Variants in CCDC126 observed in about 807,000 individuals in gnomAD.
CCDC126 encodes coiled-coil domain containing 126, also known as coiled-coil domain-containing protein 126.
In CCDC126, 5 loss-of-function variants were observed where a neutral mutation model predicts 11.7. The observed-to-expected ratio is 0.43, with a 90% CI of 0.22 to 0.90. The LOEUF (loss-of-function observed/expected upper bound fraction) is 0.90. Ranked by LOEUF, CCDC126 falls within the 40% of genes least tolerant of loss-of-function variation. The pLI is 0.27. For missense variants in CCDC126, 150 were observed against 163.1 expected (o/e 0.92, Z 0.44); for synonymous variants, 60 against 61.9 (o/e 0.97, Z 0.14).
chr7:23,601,480 C>A (rs1430156851), intron 2 of CCDC126, among the ~76,000 whole-genome samples: 2 of 152,172 alleles, frequency 1.3e-5, no homozygotes, highest in Non-Finnish European at 2.9e-5. Flanking sequence ...ACGGTCTACT[C>A]TGATGGTTTC....
intron 2 of CCDC126, among the ~76,000 whole-genome samples, chr7:23,603,206 G>GT (rs1316562036): frequency 6.6e-6 from 1 of 152,154 alleles, no homozygotes; most frequent in East Asian, 1.9e-4. Flanking sequence ...TTATCTTCTA[G>GT]TTTTTTGCCT....
At chr7:23,633,052 G>A (rs1330919187) in intron 3 of CCDC126, among the ~76,000 whole-genome samples, 4 of 152,252 alleles carry the variant, frequency 2.6e-5, no homozygotes, top group Non-Finnish European at 4.4e-5. Flanking sequence ...GAGTGCAATG[G>A]CGCGATCTCG....
intron 2 of CCDC126, among the ~76,000 whole-genome samples, chr7:23,607,996 T>G (rs540302272): frequency 1.3e-5 from 2 of 152,360 alleles, no homozygotes; most frequent in African/African-American, 4.8e-5. Context: ...CAGGAATTTA[T>G]GCTGAGCAGG....
At chr7:23,605,990 T>TTGTTTGTG (rs1782616572) in intron 2 of CCDC126, among the ~76,000 whole-genome samples, 1 of 150,576 alleles carries the variant, frequency 6.6e-6, no homozygotes, top group African/African-American at 2.4e-5. Flanking sequence ...CTGTTTTTTT[T>TTGTTTGTG]TGTGTGTGTG....
At chr7:23,635,726 A>T (rs1173291689) in intron 3 of CCDC126, among the ~76,000 whole-genome samples, 1 of 152,174 alleles carries the variant, frequency 6.6e-6, no homozygotes, top group East Asian at 1.9e-4. Context: ...ATTTATCCTG[A>T]CTTTTTCTTT....
intron 3 of CCDC126, among the ~76,000 whole-genome samples, chr7:23,632,815 A>G (rs1783138965): frequency 6.6e-6 from 1 of 152,214 alleles, no homozygotes; most frequent in South Asian, 2.1e-4. Flanking sequence ...TTCCTATTAG[A>G]TATGATTTTG....
chr7:23,627,240 G>A (rs1034412659), intron 3 of CCDC126, among the ~76,000 whole-genome samples: 1 of 152,090 alleles, frequency 6.6e-6, no homozygotes, highest in African/African-American at 2.4e-5. Flanking sequence ...TGCCAGCCAG[G>A]TGCAGTGGCT....
intron 3 of CCDC126, among the ~76,000 whole-genome samples, chr7:23,611,860 G>T (rs1782716614): frequency 6.6e-6 from 1 of 152,092 alleles, no homozygotes; most frequent in African/African-American, 2.4e-5. Context: ...ATGTATGTTG[G>T]AGGCCGGGCG....
rs113283085 is a variant in CCDC126 at position 23,642,185 on chromosome 7, T to A, written c.239-746T>A. Among the ~76,000 whole-genome samples, 1,394 of 152,192 alleles carry A rather than the reference T, an allele frequency of 9.2e-3. 25 individuals carry two copies. The highest frequency in any genetic ancestry group is 0.032 in the African/African-American group (1,314 of 41,516). Reference sequence around the variant, plus strand: ...TGCCACCAGGCCCGGCTAATTTTTTTATATTTTTAGTAGAGACGGGGTTTC... The same window carrying A: ...TGCCACCAGGCCCGGCTAATTTTTTAATATTTTTAGTAGAGACGGGGTTTC... On this transcript the variant is annotated intron_variant, in intron 3 of 3. Coordinates refer to ENST00000307471, the MANE Select transcript of CCDC126 (RefSeq NM_138771.4).
intron 2 of CCDC126, among the ~76,000 whole-genome samples, chr7:23,604,888 C>G (rs1299723399): frequency 6.6e-6 from 1 of 151,284 alleles, no homozygotes; most frequent in Non-Finnish European, 1.5e-5. Flanking sequence ...GTCCCAGCTA[C>G]TTGGGACGCT....
At chr7:23,600,379 C>A (rs552210846) in intron 2 of CCDC126, among the ~76,000 whole-genome samples, 2 of 125,872 alleles carry the variant, frequency 1.6e-5, no homozygotes, top group African/African-American at 7.8e-5. Flanking sequence ...TGTTAACCCC[C>A]CCCCCCCCAC....
chr7:23,627,852 A>T (rs946253326), intron 3 of CCDC126, among the ~76,000 whole-genome samples: 1 of 152,074 alleles, frequency 6.6e-6, no homozygotes, highest in Non-Finnish European at 1.5e-5. Context: ...CGGACTCCCA[A>T]AGTTCTGGGA....
intron 3 of CCDC126, chr7:23,619,536 C>T: frequency 3.3e-6 from 1 of 307,578 alleles, no homozygotes; most frequent in Non-Finnish European, 6.5e-6. Flanking sequence ...CACCTTACTA[C>T]ATCCTTGTTG....
chr7:23,636,359 C>G (rs1390502250), intron 3 of CCDC126, among the ~76,000 whole-genome samples: 1 of 150,050 alleles, frequency 6.7e-6, no homozygotes, highest in Non-Finnish European at 1.5e-5. Context: ...GCCTGGCTGC[C>G]CAGTCTGGAA....
chr7:23,611,086 A>AATTATAGAAT (rs1782703292), intron 2 of CCDC126, 85 bp from the exon 3 acceptor site: 1 of 323,526 alleles, frequency 3.1e-6, no homozygotes, highest in Admixed American at 4.6e-5. Flanking sequence ...TCCAAATAAA[A>AATTATAGAAT]ATTATAGAAT....
chr7:23,641,966 C>G (rs978516908), intron 3 of CCDC126, among the ~76,000 whole-genome samples: 1 of 152,194 alleles, frequency 6.6e-6, no homozygotes, highest in Admixed American at 6.5e-5. Flanking sequence ...TTCATGGACT[C>G]TCTTTCTTAG....
intron 3 of CCDC126, among the ~76,000 whole-genome samples, chr7:23,639,439 A>G (rs1014098878): frequency 5.9e-5 from 9 of 152,144 alleles, no homozygotes; most frequent in Admixed American, 3.9e-4. Context: ...CCTGACCTCA[A>G]GTGATCCATC....
chr7:23,600,378 C>A (rs971266168), intron 2 of CCDC126, among the ~76,000 whole-genome samples: 4 of 134,402 alleles, frequency 3.0e-5, no homozygotes, highest in South Asian at 2.9e-4. Flanking sequence ...GTGTTAACCC[C>A]CCCCCCCCCA....
Position 23,643,175 on chromosome 7 carries a change from G to A in CCDC126, c.*60G>A. The A allele has an allele frequency of 6.9e-7, 1 of 1,458,702 alleles. No homozygotes were observed. The highest frequency in any genetic ancestry group is 9.4e-7 in the Non-Finnish European group (1 of 1,065,154). The allele number at this position is 1,458,702 out of a possible 1,614,324, so 90.4% of individuals were successfully genotyped here. ...GTGGATTATATCCTATGGCAGAAAA[G>A]CTTTATAATTGCTGGCTTAGGACAG... On this transcript the variant is annotated 3_prime_UTR_variant, in exon 4 of 4. Coordinates refer to ENST00000307471, the MANE Select transcript of CCDC126 (RefSeq NM_138771.4).
Sources: gnomAD v4.1 joint callset for allele counts (sites outside exome capture counted in the v4.1 genomes callset) on GRCh38, gnomAD v4.1.1 for gene constraint, MANE v1.5 for transcripts, NCBI Gene and HGNC (gene_info 2026-07-23, HGNC 2026-07-21) for gene names.